The following ANO1 variants were observed in gnomAD, a reference collection of about 807,000 sequenced individuals.
ANO1 encodes anoctamin 1, also known as anoctamin-1.
Under a neutral mutation model 124.0 loss-of-function variants are expected in ANO1, and 59 were observed. The observed-to-expected ratio is 0.48, with a 90% CI of 0.39 to 0.59. The LOEUF (loss-of-function observed/expected upper bound fraction) is 0.59. Ranked by LOEUF, ANO1 falls within the 20% of genes least tolerant of loss-of-function variation. ANO1 has a pLI of 0.00. For missense variants in ANO1, 1,059 were observed against 1,328.0 expected, an observed-to-expected ratio of 0.80 and a Z score of 3.15; for synonymous variants, 529 against 532.0, an observed-to-expected ratio of 0.99 and a Z score of 0.08.
At position 70,165,586 on chromosome 11, in the gene ANO1, C is replaced by G; in HGVS notation, c.2051+16C>G. 1.3e-6 allele frequency: 2 copies of G among 1,599,404 alleles called. No individual in the cohort carries two copies. The highest frequency in any genetic ancestry group is 1.7e-6 in the Non-Finnish European group (2 of 1,171,458). On this transcript the variant is annotated intron_variant, in intron 20 of 25. Coordinates refer to ENST00000355303, the MANE Select transcript of ANO1 (RefSeq NM_018043.7). Reference sequence around the variant, plus strand: ...TCGGCATCCCGTGAGTGTGCTGCAGCGGGTTAGAGCGGCAGGGGCGGGGCC... The same window carrying G: ...TCGGCATCCCGTGAGTGTGCTGCAGGGGGTTAGAGCGGCAGGGGCGGGGCC...
intron 1 of ANO1, among the ~76,000 whole-genome samples, chr11:70,073,250 C>T (rs2044005087): frequency 6.6e-6 from 1 of 152,118 alleles, no homozygotes; most frequent in Non-Finnish European, 1.5e-5. Context: ...GATACCAATG[C>T]ACCCACCATC....
intron 1 of ANO1, among the ~76,000 whole-genome samples, chr11:70,033,750 C>T (rs1354516921): frequency 6.6e-6 from 1 of 151,862 alleles, no homozygotes; most frequent in Admixed American, 6.6e-5. Flanking sequence ...TTTATTGAAA[C>T]ATGGCCATGC....
intron 7 of ANO1, among the ~76,000 whole-genome samples, chr11:70,115,361 G>A (rs574032969): frequency 6.9e-4 from 104 of 151,548 alleles, no homozygotes; most frequent in African/African-American, 2.5e-3. Context: ...ACCTGTAATC[G>A]CAGCACTTTG....
intron 1 of ANO1, among the ~76,000 whole-genome samples, chr11:70,021,557 A>G (rs1250675661): frequency 6.6e-6 from 1 of 152,010 alleles, no homozygotes; most frequent in East Asian, 1.9e-4. Context: ...TAAACTGAGG[A>G]CGTGGTTCCC....
chr11:70,148,396 A>G (rs1383938891), intron 11 of ANO1, among the ~76,000 whole-genome samples: 1 of 152,158 alleles, frequency 6.6e-6, no homozygotes, highest in Admixed American at 6.5e-5. Context: ...CATTTTATGG[A>G]TGAGGAAACA....
At chr11:70,111,341 C>T in intron 6 of ANO1, 1 of 510,186 alleles carries the variant, frequency 2.0e-6, no homozygotes, top group Non-Finnish European at 3.7e-6. Context: ...TCCCCATCTG[C>T]AGGCTTGCCC....
chr11:69,994,886 G>T (rs1446689891), intron 1 of ANO1, among the ~76,000 whole-genome samples: 1 of 152,126 alleles, frequency 6.6e-6, no homozygotes, highest in Non-Finnish European at 1.5e-5. Context: ...CTTCCAGCCA[G>T]GTATATTCAC....
intron 11 of ANO1, among the ~76,000 whole-genome samples, chr11:70,132,482 C>T (rs776969859): frequency 6.6e-6 from 1 of 152,160 alleles, no homozygotes; most frequent in Non-Finnish European, 1.5e-5. Context: ...CCGGAGGCAC[C>T]GTGTCTCACT....
At chr11:70,110,985 C>T (rs562559678) in intron 6 of ANO1, 6 of 369,218 alleles carry the variant, frequency 1.6e-5, no homozygotes, top group Non-Finnish European at 3.2e-5. Flanking sequence ...AAAAAGGGGC[C>T]CTGCCAGCAT....
chr11:70,104,957 T>G (rs1282708904), intron 4 of ANO1, among the ~76,000 whole-genome samples: 3 of 152,048 alleles, frequency 2.0e-5, no homozygotes, highest in African/African-American at 7.2e-5. Flanking sequence ...AGGTCCTGAT[T>G]CCTAGAGCGG....
chr11:70,186,352 G>GAGGAAAGGAAGGAAGGA, intron 25 of ANO1, among the ~76,000 whole-genome samples: 1 of 126,898 alleles, frequency 7.9e-6, no homozygotes, highest in South Asian at 2.8e-4. Context: ...GAGGGGGAGG[G>GAGGAAAGGAAGGAAGGA]AGGAAGGAAG....
upstream of ANO1, among the ~76,000 whole-genome samples, chr11:69,985,415 C>T (rs1314522724): frequency 1.3e-5 from 2 of 152,200 alleles, no homozygotes; most frequent in African/African-American, 4.8e-5. Context: ...CTCCAGCTCT[C>T]CTTTCCATCC....
At chr11:69,985,104 G>A (rs1856010696), upstream of ANO1, among the ~76,000 whole-genome samples, 1 of 152,202 alleles carries the variant, frequency 6.6e-6, no homozygotes, top group Non-Finnish European at 1.5e-5. Context: ...GGGCTGGAGA[G>A]GGGCAATCCC....
chr11:69,970,448 T>A, the ANO1 span, among the ~76,000 whole-genome samples: 1 of 152,178 alleles, frequency 6.6e-6, no homozygotes, highest in Non-Finnish European at 1.5e-5. Flanking sequence ...GGGAATGTCA[T>A]GTTAGGAAAG....
Position 70,167,792 on chromosome 11 carries a change from C to T in ANO1, c.2197+405C>T, listed in dbSNP as rs554025882. On this transcript the variant is annotated intron_variant, in intron 21 of 25. Transcript: ENST00000355303. ...GCTCTTCCTCCTCCCTTAGTCTCCTCACCAGCCGAGGGCCCGGCCCTGCTA... is the reference window on the plus strand; with the variant it reads ...GCTCTTCCTCCTCCCTTAGTCTCCTTACCAGCCGAGGGCCCGGCCCTGCTA... 4.6e-5 allele frequency among the ~76,000 whole-genome samples: 7 copies of T among 152,318 alleles called. No individual in the cohort carries two copies. The East Asian group carries it at 1.4e-3, about 29-fold the overall frequency.
At chr11:70,093,648 G>A (rs893674460) in intron 2 of ANO1, among the ~76,000 whole-genome samples, 4 of 152,180 alleles carry the variant, frequency 2.6e-5, no homozygotes, top group African/African-American at 7.2e-5. Flanking sequence ...CTTTCATGTC[G>A]CTGCCCAGGG....
rs1285492322 is a variant in ANO1, at chr11:70,131,950, A to C, written c.1129A>C (p.Thr377Pro). The change falls in exon 11 of 26, where the codon ACC (threonine) becomes CCC (proline). Residue 377 changes from threonine to proline, a missense_variant. This residue lies in a region of ANO1 where 809 missense variants were observed against 1,094.9 expected (regional missense o/e 0.74). Transcript: ENST00000355303. ...GATGTGTGACCAGAGACACAATATC[A>C]CCATGTGCCCGCTTTGCGACAAGAC... ...MEMCDQRHNI[T>P]MCPLCDKTCS... The C allele has an allele frequency of 6.2e-7, 1 of 1,609,242 alleles. No individual in the cohort carries two copies. Among genetic ancestry groups the C allele is most frequent in the Non-Finnish European group, 8.5e-7 (1 of 1,179,718 alleles).
rs1554997353 is a variant in ANO1 at position 69,990,614 on chromosome 11, A to T, written c.58+4448A>T. On this transcript the variant is annotated intron_variant, in intron 1 of 27. Coordinates refer to the ANO1 transcript ENST00000531349. The stretch of plus-strand genomic sequence containing the variant: ...CATTTTACAGGCCCCCTACTAGTGT[A>T]TGCGGGTTCTAGTATCTCCACATCC... Among the ~76,000 whole-genome samples the T allele has an allele frequency of 4.6e-5, 7 of 152,220 alleles. 1 individual carries two copies.
At chr11:70,156,401 G>T (rs1273735968) in intron 15 of ANO1, among the ~76,000 whole-genome samples, 1 of 152,204 alleles carries the variant, frequency 6.6e-6, no homozygotes, top group Non-Finnish European at 1.5e-5. Flanking sequence ...TTAGTGATGA[G>T]CTTCTACCTA....
Sources: allele counts gnomAD v4.1 joint callset (sites outside exome capture counted in the v4.1 genomes callset), GRCh38; gene constraint gnomAD v4.1.1; regional missense constraint gnomAD v4.1.1; transcripts MANE v1.5; gene names NCBI Gene and HGNC (gene_info 2026-07-23, HGNC 2026-07-21).